MTMR9: variants seen among roughly 807,000 people sequenced by gnomAD.
MTMR9 encodes myotubularin related protein 9.
MTMR9 carries 39 observed loss-of-function variants against 69.5 expected under a neutral mutation model. That is an observed-to-expected ratio of 0.56 (90% CI 0.43 to 0.73). MTMR9 has a LOEUF of 0.73. Ranked by LOEUF, MTMR9 falls within the 30% of genes least tolerant of loss-of-function variation. The probability of loss-of-function intolerance (pLI) is 0.00; values close to 1 mark genes in which losing one functional copy is unlikely to be tolerated. For synonymous variants in MTMR9, 354 were observed against 240.8 expected (o/e 1.47, Z -4.35); for missense variants, 900 against 671.2 (o/e 1.34, Z -3.77).
At chr8:11,294,397 T>C (rs997272486) in intron 1 of MTMR9, among the ~76,000 whole-genome samples, 1 of 152,088 alleles carries the variant, frequency 6.6e-6, no homozygotes, top group Non-Finnish European at 1.5e-5. Flanking sequence ...AATGCCCTTA[T>C]CAGGTTGAGG....
intron 8 of MTMR9, 33 bp downstream of exon 8, chr8:11,316,926 T>G (rs2117447920): frequency 4.2e-6 from 6 of 1,440,226 alleles, no homozygotes; most frequent in Non-Finnish European, 5.6e-6. Flanking sequence ...GACCTTTCCT[T>G]TTCCGTTGTT....
intron 8 of MTMR9, chr8:11,318,170 G>T (rs1177743636): frequency 3.3e-5 from 5 of 152,164 alleles, no homozygotes; most frequent in Non-Finnish European, 7.3e-5. Flanking sequence ...TTTCAAGAAG[G>T]GATCAAAATA....
intron 2 of MTMR9, among the ~76,000 whole-genome samples, chr8:11,295,684 TTTTGC>T (rs1799530147): frequency 1.3e-5 from 2 of 152,214 alleles, no homozygotes; most frequent in Non-Finnish European, 2.9e-5. Context: ...AATTTTAAAG[TTTTGC>T]TTGATATTTT....
chr8:11,335,756 C>G, the MTMR9 span, among the ~76,000 whole-genome samples: 4 of 152,206 alleles, frequency 2.6e-5, no homozygotes, highest in African/African-American at 9.7e-5. Context: ...ACCTTGATCT[C>G]TGCCTTCATC....
chr8:11,319,448 A>C (rs75862247), intron 8 of MTMR9: 7,041 of 487,528 alleles, frequency 0.014, 440 homozygotes, highest in African/African-American at 0.13. Context: ...TTCTGTTTTT[A>C]TCCTCCTGCC....
At position 11,323,879 on chromosome 8, in the gene MTMR9, A is replaced by G. The variant is rs1800805164; in HGVS notation, c.*1091A>G. 1 of 152,202 alleles carries G rather than the reference A, an allele frequency of 6.6e-6. No homozygotes were observed. The highest frequency in any genetic ancestry group is 1.5e-5 in the Non-Finnish European group (1 of 68,042). The allele number at this position is 152,202 out of a possible 1,614,324, so 9.4% of individuals were successfully genotyped here. A position where few individuals can be genotyped will look rare whatever the true frequency, so the allele number is the denominator to read the frequency against. Reference sequence around the variant, plus strand: ...CTTAAGTGGAGGGGGAAGTTTATGAATATAATATAGCTCTGTGTTTTAAAC... The same window carrying G: ...CTTAAGTGGAGGGGGAAGTTTATGAGTATAATATAGCTCTGTGTTTTAAAC... On this transcript the variant is annotated 3_prime_UTR_variant, in exon 10 of 10. Transcript: ENST00000221086.
rs1287972726 is a variant in MTMR9 at position 11,327,378 on chromosome 8, C to G, written c.*4590C>G. ...GACTTCTAGAGCCATTCTCTTTAAC[C>G]GTCTGCAGGTCTAAGGATTAACTAT... On this transcript the variant is annotated 3_prime_UTR_variant, in exon 10 of 10. Coordinates refer to ENST00000221086, the MANE Select transcript of MTMR9 (RefSeq NM_015458.4). 2.0e-5 allele frequency: 3 copies of G among 152,174 alleles called. No individual in the cohort carries two copies. Among genetic ancestry groups the G allele is most frequent in the Admixed American group, 2.0e-4 (3 of 15,282 alleles). 9.4% of individuals were successfully genotyped at this position (152,174 alleles called of 1,614,324 possible). A position where few individuals can be genotyped will look rare whatever the true frequency, so the allele number is the denominator to read the frequency against.
At chr8:11,298,069 C>G (rs1799620410) in intron 2 of MTMR9, 1 of 380,794 alleles carries the variant, frequency 2.6e-6, no homozygotes, top group Non-Finnish European at 5.4e-6. Flanking sequence ...GAATAGCTGG[C>G]AAGTGCTCAG....
chr8:11,302,047 A>G (rs1799763797), intron 3 of MTMR9, among the ~76,000 whole-genome samples: 1 of 152,026 alleles, frequency 6.6e-6, no homozygotes, highest in Non-Finnish European at 1.5e-5. Flanking sequence ...ACTTGAGCTC[A>G]GGAGAGTTTG....
chr8:11,295,663 T>C (rs1799529070), intron 2 of MTMR9, among the ~76,000 whole-genome samples: 1 of 152,158 alleles, frequency 6.6e-6, no homozygotes, highest in Non-Finnish European at 1.5e-5. Flanking sequence ...AGTAAAGAGG[T>C]TCTTGGGAGA....
chr8:11,302,540 C>G (rs1375553953), intron 3 of MTMR9, among the ~76,000 whole-genome samples: 3 of 152,054 alleles, frequency 2.0e-5, no homozygotes, highest in South Asian at 4.1e-4. Context: ...TGATCAATAT[C>G]TATTTATGAT....
intron 2 of MTMR9, 78 bp from the exon 3 acceptor site, chr8:11,299,945 T>C: frequency 6.6e-7 from 1 of 1,514,876 alleles, no homozygotes. Flanking sequence ...CATGTTTGCT[T>C]AATACTAATT....
intron 3 of MTMR9, among the ~76,000 whole-genome samples, chr8:11,302,623 T>C (rs540873859): frequency 5.1e-4 from 77 of 152,074 alleles, no homozygotes; most frequent in African/African-American, 1.3e-3. Context: ...ACCAAAAACA[T>C]AAAAAAAGCA....
rs374731120 is a variant in MTMR9 at position 11,305,064 on chromosome 8, A to G, written c.591+50A>G. On this transcript the variant is annotated intron_variant, in intron 4 of 9. Transcript: ENST00000221086. ...ATGTACTGAAAGGCTTGGGTTGGGG[A>G]TCTTTTCGTAGAAATGTTCCCTTTT... 4.5e-6 allele frequency: 7 copies of G among 1,555,884 alleles called. No homozygotes were observed. The African/African-American group carries it at 8.2e-5, about 18-fold the overall frequency.
rs1405408277 is a variant in MTMR9, at chr8:11,328,061, G to C, written c.*5273G>C. Reference sequence around the variant, plus strand: ...TTGCGTATGGTGTTCCTCTGCCTCAGAGGACAGTTGCACAGATGGCTAGTG... The same window carrying C: ...TTGCGTATGGTGTTCCTCTGCCTCACAGGACAGTTGCACAGATGGCTAGTG... On this transcript the variant is annotated 3_prime_UTR_variant, in exon 10 of 10. Coordinates refer to ENST00000221086, the MANE Select transcript of MTMR9 (RefSeq NM_015458.4). The C allele has an allele frequency of 1.3e-5, 2 of 152,154 alleles. No individual in the cohort carries two copies. Among genetic ancestry groups the C allele is most frequent in the Admixed American group, 6.5e-5 (1 of 15,276 alleles). 9.4% of individuals were successfully genotyped at this position (152,154 alleles called of 1,614,324 possible).
chr8:11,312,367 T>A (rs1800238112), intron 6 of MTMR9, among the ~76,000 whole-genome samples: 7 of 151,694 alleles, frequency 4.6e-5, no homozygotes, highest in Admixed American at 2.6e-4. Context: ...TTTTATGAGA[T>A]GGGGTCTTTC....
intron 1 of MTMR9, among the ~76,000 whole-genome samples, chr8:11,294,025 A>G (rs1799461553): frequency 1.3e-5 from 2 of 152,184 alleles, no homozygotes; most frequent in Admixed American, 6.5e-5. Context: ...ATTTGAAGAC[A>G]TTTGCATTTC....
intron 2 of MTMR9, chr8:11,298,867 G>A: frequency 1.0e-6 from 1 of 985,154 alleles, no homozygotes; most frequent in Non-Finnish European, 1.2e-6. Context: ...GGATTCAAGT[G>A]CTCCAGGTAA....
intron 3 of MTMR9, among the ~76,000 whole-genome samples, chr8:11,303,574 C>T (rs1799829290): frequency 6.6e-6 from 1 of 152,016 alleles, no homozygotes; most frequent in Admixed American, 6.6e-5. Flanking sequence ...ACTCCAGTTG[C>T]CCAGGCTGGA....
Sources: allele counts gnomAD v4.1 joint callset (sites outside exome capture counted in the v4.1 genomes callset), GRCh38; gene constraint gnomAD v4.1.1; transcripts MANE v1.5; gene names NCBI Gene and HGNC (gene_info 2026-07-23, HGNC 2026-07-21).